Variants in CHPT1 observed in about 807,000 individuals in gnomAD.
CHPT1 encodes choline phosphotransferase 1.
CHPT1 carries 36 observed loss-of-function variants against 47.6 expected under a neutral mutation model. The ratio of observed to expected loss-of-function variants is 0.76; its 90% CI spans 0.58 to 1.00. The LOEUF is 1.00. Ranked by LOEUF, CHPT1 falls within the 50% of genes least tolerant of loss-of-function variation. The probability of loss-of-function intolerance (pLI) is 0.00; values close to 1 mark genes in which losing one functional copy is unlikely to be tolerated. For synonymous variants in CHPT1, 194 were observed against 186.3 expected (o/e 1.04, Z -0.33); for missense variants, 458 against 498.1 (o/e 0.92, Z 0.77).
At chr12:101,718,447 A>G (rs1951797129) in intron 4 of CHPT1, among the ~76,000 whole-genome samples, 1 of 152,204 alleles carries the variant, frequency 6.6e-6, no homozygotes, top group East Asian at 1.9e-4. Flanking sequence ...GTATGAGGCC[A>G]GGAGTTCAAG....
intron 1 of CHPT1, among the ~76,000 whole-genome samples, chr12:101,703,141 T>A (rs767160645): frequency 1.3e-5 from 2 of 152,184 alleles, no homozygotes; most frequent in Non-Finnish European, 2.9e-5. Context: ...GTGCATTTGA[T>A]TGGGGTAGAA....
At chr12:101,715,595 T>G (rs963138330) in intron 3 of CHPT1, among the ~76,000 whole-genome samples, 6 of 152,120 alleles carry the variant, frequency 3.9e-5, no homozygotes, top group African/African-American at 1.4e-4. Flanking sequence ...CTAAAGACAT[T>G]GGGGCATCCA....
chr12:101,718,717 A>G (rs962114916), intron 4 of CHPT1, among the ~76,000 whole-genome samples: 1 of 151,978 alleles, frequency 6.6e-6, no homozygotes, highest in Non-Finnish European at 1.5e-5. Context: ...AGAATTGCCA[A>G]TTATCATTTG....
chr12:101,708,654 C>A lies in CHPT1; in HGVS notation c.274-5436C>A, dbSNP rs1374213210. ...ACAGGGTCTCACTCTGTTGCCCCAG[C>A]TGGAGTGCAGTGGCTCACTTCAACC... On this transcript the variant is annotated intron_variant, in intron 1 of 8. Coordinates refer to ENST00000229266, the MANE Select transcript of CHPT1 (RefSeq NM_020244.3). Among the ~76,000 whole-genome samples the A allele has an allele frequency of 6.5e-5, 8 of 123,664 alleles. 2 individuals carry two copies. Among genetic ancestry groups the A allele is most frequent in the East Asian group, 2.5e-4 (1 of 3,964 alleles). The allele number at this position is 123,664 out of a possible 152,430, so 81.1% of individuals were successfully genotyped here. A position where few individuals can be genotyped will look rare whatever the true frequency, so the allele number is the denominator to read the frequency against.
At chr12:101,716,032 A>C (rs538577452) in intron 3 of CHPT1, among the ~76,000 whole-genome samples, 10 of 152,206 alleles carry the variant, frequency 6.6e-5, no homozygotes, top group African/African-American at 9.6e-5. Context: ...TAATGGGGCC[A>C]AAAGCCAGAC....
chr12:101,700,855 G>A (rs1357081627), intron 1 of CHPT1, among the ~76,000 whole-genome samples: 1 of 152,144 alleles, frequency 6.6e-6, no homozygotes, highest in Non-Finnish European at 1.5e-5. Flanking sequence ...GAGATGTCAA[G>A]TGACTTTCAA....
At chr12:101,707,215 T>C (rs1425327712) in intron 1 of CHPT1, among the ~76,000 whole-genome samples, 1 of 152,096 alleles carries the variant, frequency 6.6e-6, no homozygotes, top group Non-Finnish European at 1.5e-5. Context: ...CTTTGCTGAA[T>C]TGGGTGAGAA....
chr12:101,697,746 T>G lies in CHPT1; in HGVS notation c.-116T>G. 7.6e-6 allele frequency: 2 copies of G among 263,302 alleles called. No homozygotes were observed. Among genetic ancestry groups the G allele is most frequent in the Non-Finnish European group, 1.2e-5 (2 of 165,924 alleles). The allele number at this position is 263,302 out of a possible 1,614,324, so 16.3% of individuals were successfully genotyped here. A position where few individuals can be genotyped will look rare whatever the true frequency, so the allele number is the denominator to read the frequency against. On this transcript the variant is annotated 5_prime_UTR_variant, in exon 1 of 9. Coordinates refer to ENST00000229266, the MANE Select transcript of CHPT1 (RefSeq NM_020244.3). ...ACCTCCGCCGTGCGGGCCCGACCGGTGAGTCCAGCCCGGCAGTCGCAGGAC... is the reference window on the plus strand; with the variant it reads ...ACCTCCGCCGTGCGGGCCCGACCGGGGAGTCCAGCCCGGCAGTCGCAGGAC...
Position 101,720,105 on chromosome 12 carries a change from T to C in CHPT1, c.649-18T>C, listed in dbSNP as rs1317427481. ...AAAATTCTGTTGTCTTAATTGTTTC[T>C]TTCTTCTACCCCTAAAGATTCCTAT... On this transcript the variant is annotated intron_variant, in intron 4 of 8. Coordinates refer to ENST00000229266, the MANE Select transcript of CHPT1 (RefSeq NM_020244.3). 1 of 1,558,880 alleles carries C rather than the reference T, an allele frequency of 6.4e-7. No homozygotes were observed. Among genetic ancestry groups the C allele is most frequent in the East Asian group, 2.3e-5 (1 of 44,352 alleles).
rs1013731985 is a variant in CHPT1 at position 101,698,215 on chromosome 12, C to T, written c.273+81C>T. Reference sequence around the variant, plus strand: ...GGAGGCGCCGGGGGAAGGGCGGACCCACGCGCGGCTGAGCCTCTCCCGGGC... The same window carrying T: ...GGAGGCGCCGGGGGAAGGGCGGACCTACGCGCGGCTGAGCCTCTCCCGGGC... On this transcript the variant is annotated intron_variant, in intron 1 of 8. Transcript: ENST00000229266. The T allele has an allele frequency of 8.4e-5, 114 of 1,356,856 alleles. No homozygotes were observed. The Middle Eastern group carries it at 1.1e-3, about 13-fold the overall frequency. The allele number at this position is 1,356,856 out of a possible 1,614,324, so 84.1% of individuals were successfully genotyped here.
intron 3 of CHPT1, 168 bp downstream of exon 3, chr12:101,714,813 A>C (rs767777780): frequency 3.9e-5 from 19 of 484,994 alleles, no homozygotes; most frequent in Non-Finnish European, 5.5e-5. Context: ...GGTACTCTGC[A>C]TGTTATAAAT....
At chr12:101,699,161 C>T (rs543834874) in intron 1 of CHPT1, among the ~76,000 whole-genome samples, 15 of 152,164 alleles carry the variant, frequency 9.9e-5, no homozygotes, top group African/African-American at 3.6e-4. Flanking sequence ...GATCTCGGCT[C>T]ACTGCAACCT....
At chr12:101,710,467 A>C (rs899196736) in intron 1 of CHPT1, among the ~76,000 whole-genome samples, 1 of 149,180 alleles carries the variant, frequency 6.7e-6, no homozygotes, top group Non-Finnish European at 1.5e-5. Context: ...CACTGACTCC[A>C]GTAAACCTTT....
At chr12:101,724,522 G>A (rs1445500576) in intron 7 of CHPT1, among the ~76,000 whole-genome samples, 1 of 152,158 alleles carries the variant, frequency 6.6e-6, no homozygotes, top group African/African-American at 2.4e-5. Context: ...TACTAGCAAA[G>A]GTGGGCACTT....
intron 1 of CHPT1, among the ~76,000 whole-genome samples, chr12:101,698,619 A>G (rs1380141410): frequency 6.6e-6 from 1 of 152,248 alleles, no homozygotes; most frequent in East Asian, 1.9e-4. Flanking sequence ...TGATCTTGAA[A>G]TGACCGGTAG....
chr12:101,706,005 C>G (rs553703315), intron 1 of CHPT1, among the ~76,000 whole-genome samples: 15 of 152,102 alleles, frequency 9.9e-5, no homozygotes, highest in African/African-American at 3.6e-4. Context: ...AGCTACCACA[C>G]CCAGCCTGAT....
chr12:101,705,792 C>T (rs1307965561), intron 1 of CHPT1, among the ~76,000 whole-genome samples: 4 of 142,610 alleles, frequency 2.8e-5, no homozygotes, highest in African/African-American at 1.1e-4. Context: ...TAGGGTCTCA[C>T]TTGGCTCACT....
rs1566043739 is a variant in CHPT1 at position 101,723,847 on chromosome 12, GGTAA to G, written c.1065+4_1065+7del. ...AATATGTTGTTCTATGGATGGCAAT[GGTAA>G]GTATTTTTCTCCATTTTATTTATTT... On this transcript the variant is annotated splice_donor_variant and splice_donor_region_variant and intron_variant, in intron 7 of 8. Coordinates refer to ENST00000229266, the MANE Select transcript of CHPT1 (RefSeq NM_020244.3). LOFTEE classifies it high-confidence loss of function. 1.3e-6 allele frequency: 2 copies of G among 1,505,210 alleles called. No individual in the cohort carries two copies. The highest frequency in any genetic ancestry group is 1.8e-6 in the Non-Finnish European group (2 of 1,095,460). The allele number at this position is 1,505,210 out of a possible 1,614,324, so 93.2% of individuals were successfully genotyped here. A position where few individuals can be genotyped will look rare whatever the true frequency, so the allele number is the denominator to read the frequency against.
At chr12:101,714,733 A>G in intron 3 of CHPT1, 88 bp downstream of exon 3, 1 of 1,320,202 alleles carries the variant, frequency 7.6e-7, no homozygotes, top group Non-Finnish European at 1.0e-6. Flanking sequence ...AATAAGGAGA[A>G]CAAATCTTCA....
Sources: allele counts gnomAD v4.1 joint callset (sites outside exome capture counted in the v4.1 genomes callset), GRCh38; gene constraint gnomAD v4.1.1; transcripts MANE v1.5; gene names NCBI Gene and HGNC (gene_info 2026-07-23, HGNC 2026-07-21).